Variants in TES observed in about 807,000 individuals in gnomAD.
TES encodes testin.
In TES, 41 loss-of-function variants were observed where a neutral mutation model predicts 48.2. The observed-to-expected ratio is 0.85, with a 90% CI of 0.66 to 1.10. TES has a LOEUF of 1.10. Among genes scored for constraint, TES ranks in the 50% least tolerant of loss-of-function variants. The probability of loss-of-function intolerance (pLI) is 0.00; values close to 1 mark genes in which losing one functional copy is unlikely to be tolerated. For synonymous variants in TES, 162 were observed against 174.9 expected, an observed-to-expected ratio of 0.93 and a Z score of 0.58; for missense variants, 463 against 515.1, an observed-to-expected ratio of 0.90 and a Z score of 0.98.
rs1800132688 is a variant in TES at position 116,258,188 on chromosome 7, TTA to T, written c.*708_*709del. ...AACAGTATCCACACTTTTTAGTTCTTTATTTTTTTTTTTTTATTTTGAGCAAT... is the reference window on the plus strand; with the variant it reads ...AACAGTATCCACACTTTTTAGTTCTTTTTTTTTTTTTTTATTTTGAGCAAT... On this transcript the variant is annotated 3_prime_UTR_variant, in exon 7 of 7. Transcript: ENST00000358204. The T allele has an allele frequency of 9.1e-6, 1 of 109,778 alleles. No homozygotes were observed. Among genetic ancestry groups the T allele is most frequent in the East Asian group, 4.0e-4 (1 of 2,508 alleles). 6.8% of individuals were successfully genotyped at this position (109,778 alleles called of 1,614,324 possible).
intron 4 of TES, chr7:116,251,507 C>G (rs1310224889): frequency 2.5e-6 from 1 of 395,976 alleles, no homozygotes; most frequent in Non-Finnish European, 4.8e-6. Context: ...ACGGTGAAAC[C>G]CCGTCTCTAC....
Position 116,210,572 on chromosome 7 carries a change from C to G in TES, c.-136C>G. Reference sequence around the variant, plus strand: ...GGACTGGGCGGCGGAAGTTCGACGGCGCCGGGCGAGTGGCTGTTGAGCGGC... The same window carrying G: ...GGACTGGGCGGCGGAAGTTCGACGGGGCCGGGCGAGTGGCTGTTGAGCGGC... On this transcript the variant is annotated 5_prime_UTR_variant, in exon 1 of 7. Coordinates refer to ENST00000358204, the MANE Select transcript of TES (RefSeq NM_015641.4). 2.0e-6 allele frequency: 2 copies of G among 1,006,342 alleles called. No individual in the cohort carries two copies. The highest frequency in any genetic ancestry group is 2.6e-6 in the Non-Finnish European group (2 of 768,966). The allele number at this position is 1,006,342 out of a possible 1,614,324, so 62.3% of individuals were successfully genotyped here.
At chr7:116,235,740 T>C (rs909278825) in intron 2 of TES, among the ~76,000 whole-genome samples, 1 of 152,216 alleles carries the variant, frequency 6.6e-6, no homozygotes, top group African/African-American at 2.4e-5. Flanking sequence ...AGGATGACTC[T>C]CATTTGAGAA....
chr7:116,212,774 T>A (rs978527925), intron 1 of TES, among the ~76,000 whole-genome samples: 1 of 152,210 alleles, frequency 6.6e-6, no homozygotes, highest in Non-Finnish European at 1.5e-5. Context: ...ATGGTGTAAT[T>A]TTCCTCGTTT....
At chr7:116,242,737 T>A (rs1250137347) in intron 2 of TES, among the ~76,000 whole-genome samples, 1 of 152,196 alleles carries the variant, frequency 6.6e-6, no homozygotes, top group African/African-American at 2.4e-5. Flanking sequence ...TAATTTTAAA[T>A]TTAGAAAACT....
chr7:116,238,585 C>CATTATTATTATT (rs375782060), intron 2 of TES, among the ~76,000 whole-genome samples: 7,858 of 129,310 alleles, frequency 0.061, 263 homozygotes, highest in East Asian at 0.14. Context: ...CAACATCCAT[C>CATTATTATTATT]ATTATTATTA....
At chr7:116,247,596 T>C (rs1799945060) in intron 2 of TES, among the ~76,000 whole-genome samples, 1 of 152,092 alleles carries the variant, frequency 6.6e-6, no homozygotes, top group African/African-American at 2.4e-5. Flanking sequence ...AAAATCTTGG[T>C]TGGTTTTGAT....
chr7:116,243,175 ATTTAG>A (rs997723754), intron 2 of TES, among the ~76,000 whole-genome samples: 1 of 152,100 alleles, frequency 6.6e-6, no homozygotes, highest in Non-Finnish European at 1.5e-5. Context: ...ACTATAAATT[ATTTAG>A]TTATCTAGTT....
At position 116,228,009 on chromosome 7, in the gene TES, TTTTTTTTTTTTTG is replaced by T. The variant is rs950402834; in HGVS notation, c.28-6515_28-6503del. Among the ~76,000 whole-genome samples, 27 of 97,034 alleles carry T rather than the reference TTTTTTTTTTTTTG, an allele frequency of 2.8e-4. 1 individual carries two copies. Among genetic ancestry groups the T allele is most frequent in the Middle Eastern group, 5.1e-3 (1 of 198 alleles). The allele number at this position is 97,034 out of a possible 152,430, so 63.7% of individuals were successfully genotyped here. ...CAGATGTTCCATAGTCTTTTTTTTG[TTTTTTTTTTTTTG>T]TTTTTTTTTAAGTATCTGACATGCA... On this transcript the variant is annotated intron_variant, in intron 1 of 6. Transcript: ENST00000358204.
At chr7:116,252,034 T>C in intron 5 of TES, 59 bp downstream of exon 5, 2 of 1,547,560 alleles carry the variant, frequency 1.3e-6, no homozygotes, top group Admixed American at 3.4e-5. Context: ...TATGGTCCCT[T>C]TACCTAGAAG....
At chr7:116,231,494 C>T (rs76227245) in intron 1 of TES, among the ~76,000 whole-genome samples, 2 of 107,214 alleles carry the variant, frequency 1.9e-5, no homozygotes, top group African/African-American at 7.9e-5. Flanking sequence ...ATATTACAGA[C>T]ATCCGTCAAT....
At position 116,248,997 on chromosome 7, in the gene TES, TCTA is replaced by T; in HGVS notation, c.114-20_114-18del. The T allele has an allele frequency of 6.5e-7, 1 of 1,547,822 alleles. No homozygotes were observed. The highest frequency in any genetic ancestry group is 1.3e-5 in the South Asian group (1 of 79,626). On this transcript the variant is annotated intron_variant, in intron 2 of 6. Coordinates refer to ENST00000358204, the MANE Select transcript of TES (RefSeq NM_015641.4). ...ATCAATTAGGTACAATTAATCATTT[TCTA>T]CTTATTTTCAAAATTATAGAAAAAT...
Position 116,249,160 on chromosome 7 carries a change from C to T in TES, c.254C>T (p.Pro85Leu), listed in dbSNP as rs78197118. Residue 85 changes from proline to leucine, a missense_variant, in exon 3 of 7, where the codon CCC becomes CTC. Transcript: ENST00000358204. ...LIAKLKSDGI[P>L]MYKRNVMILT... ...GCAAAACTAAAGTCAGATGGAATTC[C>T]CATGTATAAACGCAATGTTATGATA... is the stretch of plus-strand genomic sequence containing the variant. 2,642 of 1,614,022 alleles carry T rather than the reference C, an allele frequency of 1.6e-3. 1 individual carries two copies. Among genetic ancestry groups the T allele is most frequent in the Non-Finnish European group, 1.9e-3 (2,296 of 1,179,964 alleles).
intron 1 of TES, among the ~76,000 whole-genome samples, chr7:116,217,007 G>A (rs1017247182): frequency 6.6e-6 from 1 of 151,994 alleles, no homozygotes; most frequent in African/African-American, 2.4e-5. Flanking sequence ...CTAGACTCTG[G>A]GGTTATAGTT....
intron 2 of TES, among the ~76,000 whole-genome samples, chr7:116,247,260 G>GGTTTCCTAA (rs1330495787): frequency 1.3e-5 from 2 of 152,044 alleles, no homozygotes; most frequent in African/African-American, 4.8e-5. Flanking sequence ...TATAATCTTT[G>GGTTTCCTAA]ATGGGAAAAG....
At chr7:116,255,186 C>T (rs1348001531) in intron 6 of TES, 2 of 152,120 alleles carry the variant, frequency 1.3e-5, no homozygotes, top group Non-Finnish European at 2.9e-5. Context: ...ATTCATAGGA[C>T]ACTCCTGCAG....
At chr7:116,232,487 A>G (rs1799712356) in intron 1 of TES, among the ~76,000 whole-genome samples, 1 of 152,236 alleles carries the variant, frequency 6.6e-6, no homozygotes. Flanking sequence ...TATGAATCAT[A>G]TCCATACTCC....
intron 6 of TES, among the ~76,000 whole-genome samples, chr7:116,256,373 C>G (rs902316339): frequency 1.3e-5 from 2 of 152,184 alleles, no homozygotes; most frequent in Non-Finnish European, 2.9e-5. Flanking sequence ...AGATTAGTCA[C>G]TGTGATACCA....
chr7:116,222,579 A>G (rs973940570), intron 1 of TES, among the ~76,000 whole-genome samples: 5 of 152,232 alleles, frequency 3.3e-5, no homozygotes, highest in African/African-American at 1.2e-4. Flanking sequence ...AAATAATACC[A>G]TAGCCTTTAG....
Sources: allele counts gnomAD v4.1 joint callset (sites outside exome capture counted in the v4.1 genomes callset), GRCh38; gene constraint gnomAD v4.1.1; transcripts MANE v1.5; gene names NCBI Gene and HGNC (gene_info 2026-07-23, HGNC 2026-07-21).